ELL3: variants seen among roughly 807,000 people sequenced by gnomAD.
The protein encoded by ELL3 is RNA polymerase II elongation factor ELL3.
Under a neutral mutation model 58.5 loss-of-function variants are expected in ELL3, and 48 were observed. That is an observed-to-expected ratio of 0.82 (90% CI 0.65 to 1.04). The LOEUF (loss-of-function observed/expected upper bound fraction) is 1.04, where lower values mean the gene tolerates loss of function less well. Ranked by LOEUF, ELL3 falls within the 50% of genes least tolerant of loss-of-function variation. The probability of loss-of-function intolerance (pLI) is 0.00; values close to 1 mark genes in which losing one functional copy is unlikely to be tolerated. For synonymous variants in ELL3, 174 were observed against 173.2 expected, an observed-to-expected ratio of 1.00 and a Z score of -0.04; for missense variants, 458 against 478.4, an observed-to-expected ratio of 0.96 and a Z score of 0.40.
rs1188344741 is a variant in ELL3 at position 43,772,976 on chromosome 15, C to G, written c.*140G>C. 2.6e-6 allele frequency: 2 copies of G among 774,024 alleles called. No homozygotes were observed. The highest frequency in any genetic ancestry group is 1.7e-5 in the African/African-American group (1 of 57,316). The allele number at this position is 774,024 out of a possible 1,614,324, so 47.9% of individuals were successfully genotyped here. On this transcript the variant is annotated 3_prime_UTR_variant, in exon 11 of 11. Transcript: ENST00000319359. ...AATAATGAAAACCAAACCTCAAGAA[C>G]CTAGAGCAGCTCTCTACTTGCCACC...
chr15:43,774,167 G>T lies in ELL3; in HGVS notation c.1038+15C>A. On this transcript the variant is annotated intron_variant, in intron 9 of 10. Coordinates refer to ENST00000319359, the MANE Select transcript of ELL3 (RefSeq NM_025165.3). Reference sequence around the variant, plus strand: ...GCCAGTAGAGCTGGAAAGCCAGGCTGGGTCCTGTCCTTACCTTGTATTCTG... The same window carrying T: ...GCCAGTAGAGCTGGAAAGCCAGGCTTGGTCCTGTCCTTACCTTGTATTCTG... 2 of 1,611,812 alleles carry T rather than the reference G, an allele frequency of 1.2e-6. No individual in the cohort carries two copies. Among genetic ancestry groups the T allele is most frequent in the Non-Finnish European group, 1.7e-6 (2 of 1,178,172 alleles).
Position 43,776,097 on chromosome 15 carries a change from G to A in ELL3, c.223C>T (p.Gln75Ter). ...WSCLFSFIVSQCCQEGAGGSL... is the reference protein window; with the variant it reads ...WSCLFSFIVS ...CCACCAGCGCCCTCCTGACAACACT[G>A]GGACACTATGAAGGAGAAGAGGCAG... is the stretch of plus-strand genomic sequence containing the variant. The change falls in exon 3 of 11, where the codon CAG (glutamine) becomes TAG (stop). Residue 75 changes from glutamine (Q) to a stop codon, truncating the protein, a stop_gained. Transcript: ENST00000319359. LOFTEE classifies it high-confidence loss of function. The A allele has an allele frequency of 6.2e-7, 1 of 1,614,150 alleles. No individual in the cohort carries two copies. Among genetic ancestry groups the A allele is most frequent in the Non-Finnish European group, 8.5e-7 (1 of 1,180,020 alleles).
chr15:43,774,550 A>G (rs763049282), intron 7 of ELL3, 32 bp from the exon 8 acceptor site: 4 of 1,613,896 alleles, frequency 2.5e-6, no homozygotes, highest in South Asian at 1.1e-5. Flanking sequence ...ACAAGTGATT[A>G]TAAGTCTTTT....
Position 43,775,385 on chromosome 15 carries a change from G to C in ELL3, c.570-4C>G, listed in dbSNP as rs765451789. ...GTTTGGAACATGGGTCTGGCTTCTA[G>C]GATATTTTAAGGGAATGGGACAGAT... On this transcript the variant is annotated splice_polypyrimidine_tract_variant and splice_region_variant and intron_variant, in intron 5 of 10. Coordinates refer to ENST00000319359, the MANE Select transcript of ELL3 (RefSeq NM_025165.3). 1.9e-6 allele frequency: 3 copies of C among 1,613,252 alleles called. No individual in the cohort carries two copies. The Admixed American group carries it at 5.0e-5, about 27-fold the overall frequency.
rs1052549146 is a variant in ELL3 at position 43,773,104 on chromosome 15, C to G, written c.*12G>C. On this transcript the variant is annotated 3_prime_UTR_variant, in exon 11 of 11. Coordinates refer to ENST00000319359, the MANE Select transcript of ELL3 (RefSeq NM_025165.3). ...TTCACTAAGCAGAGGCTCAAAAATTCCCTTGATAACTTCAGCTGCCCCTGT... is the reference window on the plus strand; with the variant it reads ...TTCACTAAGCAGAGGCTCAAAAATTGCCTTGATAACTTCAGCTGCCCCTGT... 1 of 1,585,078 alleles carries G rather than the reference C, an allele frequency of 6.3e-7. No homozygotes were observed. The highest frequency in any genetic ancestry group is 8.5e-7 in the Non-Finnish European group (1 of 1,170,062).
intron 3 of ELL3, 30 bp downstream of exon 3, chr15:43,776,009 C>T (rs376005553): frequency 6.2e-7 from 1 of 1,613,078 alleles, no homozygotes; most frequent in South Asian, 1.1e-5. Flanking sequence ...TCCACAAACC[C>T]TTTCTTGCCG....
rs763915130 is a variant in ELL3 at position 43,776,048 on chromosome 15, C to T, written c.272G>A (p.Arg91His). The T allele has an allele frequency of 1.2e-6, 2 of 1,614,064 alleles. No homozygotes were observed. The highest frequency in any genetic ancestry group is 2.2e-5 in the East Asian group (1 of 44,882). Reference sequence around the variant, plus strand: ...ACCTGTTCCCCCTCACCTGAGGAAGCGTTGGCACACAAGGTCCAAGCTACC... The same window carrying T: ...ACCTGTTCCCCCTCACCTGAGGAAGTGTTGGCACACAAGGTCCAAGCTACC... The part of the protein sequence containing the change: ...AGGSLDLVCQ[R>H]FLRSGPNSLH... Residue 91 changes from arginine to histidine, a missense_variant, in exon 3 of 11, where the codon CGC becomes CAC. Physicochemically the swap from Arg to His is conservative, Grantham distance 29. Coordinates refer to ENST00000319359, the MANE Select transcript of ELL3 (RefSeq NM_025165.3).
In ELL3 at chr15:43,774,347, G is replaced by C; in HGVS notation, c.873C>G (p.Tyr291Ter). The C allele has an allele frequency of 1.2e-6, 2 of 1,614,144 alleles. No homozygotes were observed. The highest frequency in any genetic ancestry group is 1.7e-6 in the Non-Finnish European group (2 of 1,179,982). The change falls in exon 9 of 11, where the codon TAC becomes TAG. Residue 291 changes from tyrosine (Y) to a stop codon, truncating the protein, a stop_gained. Coordinates refer to ENST00000319359, the MANE Select transcript of ELL3 (RefSeq NM_025165.3). LOFTEE classifies it high-confidence loss of function. ...GCTGTTCTGCACTGTGGATGGCCCT[G>C]TATTGCCTGCCAGGAGCAGAGAGTT... ...PEDIPDYLLQYRAIHSAEQQH... is the reference protein window; with the variant it reads ...PEDIPDYLLQ
In ELL3 at chr15:43,773,278, G is replaced by A. The variant is rs147445511; in HGVS notation, c.1083+26C>T. On this transcript the variant is annotated intron_variant, in intron 10 of 10. Coordinates refer to ENST00000319359, the MANE Select transcript of ELL3 (RefSeq NM_025165.3). ...AAAGTAAAAATTCTCATTCTACCTTGCTTCCGTTCCCAGACCTTGTCTTAC... is the reference window on the plus strand; with the variant it reads ...AAAGTAAAAATTCTCATTCTACCTTACTTCCGTTCCCAGACCTTGTCTTAC... The A allele has an allele frequency of 3.3e-4, 536 of 1,614,042 alleles. 3 individuals are homozygous for A. The East Asian group carries it at 0.011, about 33-fold the overall frequency.
chr15:43,773,195 C>T lies in ELL3; in HGVS notation c.1115G>A (p.Arg372His), dbSNP rs1167274262. 5.0e-6 allele frequency: 8 copies of T among 1,613,770 alleles called. No individual in the cohort carries two copies. The highest frequency in any genetic ancestry group is 1.3e-5 in the African/African-American group (1 of 74,870). The change falls in exon 11 of 11, where the codon CGC becomes CAC. Residue 372 changes from arginine (R) to histidine (H), a missense_variant. By Grantham distance (29) the Arg-to-His change is conservative (BLOSUM62 0). Coordinates refer to ENST00000319359, the MANE Select transcript of ELL3 (RefSeq NM_025165.3). ...QYPSYREEKR[R>H]CEYLHQKLSH... ...CAATTTCTGGTGAAGGTACTCACAG[C>T]GACGCTTTTCTTCTCTGTAACTTGG...
intron 1 of ELL3, 45 bp from the exon 2 acceptor site, chr15:43,776,589 G>C: frequency 6.4e-7 from 1 of 1,558,226 alleles, no homozygotes; most frequent in Non-Finnish European, 8.7e-7. Flanking sequence ...AGGTGAAGCA[G>C]TGTCCCCAGG....
At chr15:43,773,701 GA>G (rs980228007) in intron 9 of ELL3, among the ~76,000 whole-genome samples, 25 of 136,546 alleles carry the variant, frequency 1.8e-4, no homozygotes, top group Middle Eastern at 4.5e-3. Context: ...GTCTCAAAAA[GA>G]AAAAAAAAAG....
intron 3 of ELL3, 36 bp from the exon 4 acceptor site, chr15:43,775,959 A>G: frequency 6.2e-7 from 1 of 1,612,926 alleles, no homozygotes; most frequent in Non-Finnish European, 8.5e-7. Context: ...AGGAGGGTGG[A>G]GACCTCTTAA....
In ELL3 at chr15:43,773,039, T is replaced by C; in HGVS notation, c.*77A>G. The C allele has an allele frequency of 7.6e-7, 1 of 1,320,800 alleles. No individual in the cohort carries two copies. 81.8% of individuals were successfully genotyped at this position (1,320,800 alleles called of 1,614,324 possible). On this transcript the variant is annotated 3_prime_UTR_variant, in exon 11 of 11. Transcript: ENST00000319359. ...GGTCAGCATAAGAAAAGCAGATAGT[T>C]GCATTCTATTTAGTTTATAGCTGCT...
chr15:43,774,787 T>TA lies in ELL3; in HGVS notation c.646-15dup. On this transcript the variant is annotated splice_polypyrimidine_tract_variant and intron_variant, in intron 6 of 10. Transcript: ENST00000319359. ...CACTGAACGTTTCTGTTGAGGAAAA[T>TA]ATCTGTGTGACATAAACAGCCAAGA... 6.3e-7 allele frequency: 1 copy of TA among 1,584,220 alleles called. No individual in the cohort carries two copies. Among genetic ancestry groups the TA allele is most frequent in the Non-Finnish European group, 8.5e-7 (1 of 1,170,230 alleles).
chr15:43,773,459 A>G (rs1308772979), intron 9 of ELL3, 111 bp from the exon 10 acceptor site: 51 of 1,128,864 alleles, frequency 4.5e-5, no homozygotes, highest in Non-Finnish European at 6.5e-5. Context: ...TGAGGCAGGC[A>G]GATAACGAGG....
chr15:43,776,864 C>G lies in ELL3; in HGVS notation c.38G>C (p.Arg13Pro). The G allele has an allele frequency of 1.2e-6, 2 of 1,611,890 alleles. No individual in the cohort carries two copies. Among genetic ancestry groups the G allele is most frequent in the Non-Finnish European group, 1.7e-6 (2 of 1,179,684 alleles). The change falls in exon 1 of 11, where the codon CGG becomes CCG. Residue 13 changes from arginine (R) to proline (P), a missense_variant. By Grantham distance (103) the Arg-to-Pro change is moderately radical. Coordinates refer to ENST00000319359, the MANE Select transcript of ELL3 (RefSeq NM_025165.3). ...ELQEPLRGQL[R>P]LCFTQAARTS... Reference sequence around the variant, plus strand: ...CCGGGCAGCTTGCGTGAAGCAGAGCCGGAGCTGTCCTCTCAGAGGCTCCTG... The same window carrying G: ...CCGGGCAGCTTGCGTGAAGCAGAGCGGGAGCTGTCCTCTCAGAGGCTCCTG...
Position 43,773,338 on chromosome 15 carries a change from T to C in ELL3, c.1049A>G (p.Asp350Gly). ...RGTPEYKVLE[D>G]KIIQEYKKFR... ...CTTTTTATATTCCTGGATTATCTTG[T>C]CTTCCAGGACCTGAAACAGAAATTA... The change falls in exon 10 of 11, where the codon GAC becomes GGC. Residue 350 changes from aspartate to glycine, a missense_variant. Transcript: ENST00000319359. 1.2e-6 allele frequency: 2 copies of C among 1,614,192 alleles called. No individual in the cohort carries two copies. The highest frequency in any genetic ancestry group is 1.7e-6 in the Non-Finnish European group (2 of 1,180,044).
At position 43,774,199 on chromosome 15, in the gene ELL3, C is replaced by A. The variant is rs1387143773; in HGVS notation, c.1021G>T (p.Gly341Ter). 3.7e-6 allele frequency: 6 copies of A among 1,614,148 alleles called. No individual in the cohort carries two copies. The South Asian group carries it at 6.6e-5, about 18-fold the overall frequency. Residue 341 changes from glycine to a stop codon, truncating the protein, a stop_gained, in exon 9 of 11, where the codon GGA (glycine) becomes TGA (stop). Transcript: ENST00000319359. LOFTEE classifies it high-confidence loss of function. ...GTCCTTACCTTGTATTCTGGAGTTC[C>A]TCGCCGAACTCTTTTAATCTCTGCT... ...LGAEIKRVRRGTPEYKVLEDK... is the reference protein window; with the variant it reads ...LGAEIKRVRR
Sources: gnomAD v4.1 joint callset for allele counts (sites outside exome capture counted in the v4.1 genomes callset) on GRCh38, gnomAD v4.1.1 for gene constraint, MANE v1.5 for transcripts, NCBI Gene and HGNC (gene_info 2026-07-23, HGNC 2026-07-21) for gene names.